Variants in ATP10A observed in about 807,000 individuals in gnomAD.
The protein encoded by ATP10A is phospholipid-transporting ATPase VA.
A neutral mutation model predicts 147.8 loss-of-function variants in ATP10A; 111 were observed. That is an observed-to-expected ratio of 0.75 (90% CI 0.64 to 0.88). The LOEUF (loss-of-function observed/expected upper bound fraction) is 0.88. Ranked by LOEUF, ATP10A falls within the 40% of genes least tolerant of loss-of-function variation. The pLI, the probability that ATP10A is intolerant of heterozygous loss-of-function variation, is 0.00. For synonymous variants in ATP10A, 875 were observed against 841.6 expected, an observed-to-expected ratio of 1.04 and a Z score of -0.69; for missense variants, 1,927 against 1,959.0, an observed-to-expected ratio of 0.98 and a Z score of 0.31.
At chr15:25,758,792 C>T (rs61994076) in intron 2 of ATP10A, among the ~76,000 whole-genome samples, 1,580 of 41,942 alleles carry the variant, frequency 0.038, 8 homozygotes, top group Middle Eastern at 0.12. Flanking sequence ...CTCATTCCGA[C>T]CACCTGCTCC....
chr15:25,682,446 G>C (rs2140283201), intron 17 of ATP10A, among the ~76,000 whole-genome samples: 1 of 152,296 alleles, frequency 6.6e-6, no homozygotes, highest in African/African-American at 2.4e-5. Context: ...ACTGGGGAAG[G>C]AGCTCTGGCT....
chr15:25,768,815 C>T (rs1317084278), intron 2 of ATP10A, among the ~76,000 whole-genome samples: 1 of 151,356 alleles, frequency 6.6e-6, no homozygotes, highest in Non-Finnish European at 1.5e-5. Flanking sequence ...AGGTGTAAAC[C>T]ACCATGCCTG....
intron 1 of ATP10A, among the ~76,000 whole-genome samples, chr15:25,785,073 C>T (rs948048184): frequency 7.2e-5 from 11 of 152,062 alleles, no homozygotes; most frequent in African/African-American, 2.7e-4. Context: ...GCAAGAGATG[C>T]CTCAGGGGTC....
intron 10 of ATP10A, among the ~76,000 whole-genome samples, chr15:25,712,811 C>T (rs889559113): frequency 1.3e-5 from 2 of 152,166 alleles, no homozygotes; most frequent in African/African-American, 4.8e-5. Context: ...GAGGTCACAG[C>T]TCTGTGATGG....
intron 1 of ATP10A, among the ~76,000 whole-genome samples, chr15:25,804,456 GGT>G (rs1009881278): frequency 3.1e-4 from 42 of 134,962 alleles, no homozygotes; most frequent in African/African-American, 1.3e-3. Context: ...CTGTGTGCAT[GGT>G]GTGTGTGTGG....
At chr15:25,839,564 G>A (rs113048859) in intron 1 of ATP10A, among the ~76,000 whole-genome samples, 10 of 152,072 alleles carry the variant, frequency 6.6e-5, no homozygotes, top group African/African-American at 2.2e-4. Context: ...CCTCTCTCCC[G>A]CTCTGCAGAG....
chr15:25,673,096 C>T (rs943323289), downstream of ATP10A, among the ~76,000 whole-genome samples: 1 of 152,134 alleles, frequency 6.6e-6, no homozygotes, highest in Non-Finnish European at 1.5e-5. Context: ...CCCAGGGCCC[C>T]TCAGGGGCTC....
chr15:25,726,761 G>T (rs1468677739), intron 4 of ATP10A, among the ~76,000 whole-genome samples: 1 of 151,068 alleles, frequency 6.6e-6, no homozygotes, highest in Non-Finnish European at 1.5e-5. Context: ...CTTAGAAAAC[G>T]GTGAGGGAGG....
chr15:25,857,566 A>C (rs1893573004), intron 1 of ATP10A, among the ~76,000 whole-genome samples: 1 of 152,224 alleles, frequency 6.6e-6, no homozygotes, highest in Non-Finnish European at 1.5e-5. Flanking sequence ...TGATGTCTGG[A>C]GTTTGCATCA....
At chr15:25,785,183 C>T (rs1369879886) in intron 1 of ATP10A, among the ~76,000 whole-genome samples, 1 of 152,086 alleles carries the variant, frequency 6.6e-6, no homozygotes, top group Non-Finnish European at 1.5e-5. Flanking sequence ...AACAGCCTTT[C>T]CTAATGTCCC....
At chr15:25,803,100 G>A (rs563161613) in intron 1 of ATP10A, among the ~76,000 whole-genome samples, 2 of 152,240 alleles carry the variant, frequency 1.3e-5, no homozygotes, top group East Asian at 1.9e-4. Flanking sequence ...TCCGGGTCAC[G>A]AGGACACAGC....
intron 1 of ATP10A, among the ~76,000 whole-genome samples, chr15:25,833,776 T>C (rs1849556644): frequency 6.6e-6 from 1 of 152,078 alleles, no homozygotes; most frequent in Non-Finnish European, 1.5e-5. Flanking sequence ...ATTGAGACCA[T>C]CCTGGCTAAT....
chr15:25,795,666 TATC>T (rs914075363), intron 1 of ATP10A, among the ~76,000 whole-genome samples: 1 of 152,184 alleles, frequency 6.6e-6, no homozygotes, highest in African/African-American at 2.4e-5. Flanking sequence ...TTTCTTTAGA[TATC>T]ATTTTATTCC....
chr15:25,746,503 G>A (rs539276971), intron 2 of ATP10A, among the ~76,000 whole-genome samples: 10 of 152,194 alleles, frequency 6.6e-5, no homozygotes, highest in East Asian at 1.9e-4. Context: ...TAATGGACAC[G>A]TATAAAACAC....
In ATP10A at chr15:25,679,480, A is replaced by G. The variant is rs1186581634; in HGVS notation, c.4361T>C (p.Leu1454Ser). The change falls in exon 21 of 21, where the codon TTA becomes TCA. Residue 1454 changes from leucine (L) to serine (S), a missense_variant. Physicochemically the swap from Leu to Ser is moderately radical, Grantham distance 145. Coordinates refer to ENST00000555815, the MANE Select transcript of ATP10A (RefSeq NM_024490.4). ...WSLVSRLGSVLQFSRTEQLAD... is the reference protein window; with the variant it reads ...WSLVSRLGSVSQFSRTEQLAD... ...AAGCTGCTCCGTCCGGGAGAACTGT[A>G]AGACACTCCCCAGCCTGCTGACCAG... 3 of 1,613,864 alleles carry G rather than the reference A, an allele frequency of 1.9e-6. No homozygotes were observed. In the African/African-American group the frequency reaches 4.0e-5, roughly 22 times the overall value.
At chr15:25,736,900 G>A (rs4906761) in intron 2 of ATP10A, among the ~76,000 whole-genome samples, 108,731 of 151,790 alleles carry the variant, frequency 0.72, 40,986 homozygotes, top group Non-Finnish European at 0.85. Flanking sequence ...AAACTGAACT[G>A]TCTTTAATGA....
intron 15 of ATP10A, among the ~76,000 whole-genome samples, chr15:25,691,188 A>C (rs1900014877): frequency 6.6e-6 from 1 of 152,200 alleles, no homozygotes; most frequent in South Asian, 2.1e-4. Context: ...TAAATCCAAA[A>C]GCAGCACATT....
At chr15:25,757,545 T>C (rs1365998407) in intron 2 of ATP10A, among the ~76,000 whole-genome samples, 2 of 151,980 alleles carry the variant, frequency 1.3e-5, no homozygotes, top group Admixed American at 6.6e-5. Flanking sequence ...TTCTTCAAAA[T>C]ATAGATTTAA....
At chr15:25,764,808 C>T (rs1479563357) in intron 2 of ATP10A, among the ~76,000 whole-genome samples, 3 of 152,178 alleles carry the variant, frequency 2.0e-5, no homozygotes, top group African/African-American at 4.8e-5. Flanking sequence ...TGCTAGAAAC[C>T]GCAGACGCTC....
Sources: gnomAD v4.1 joint callset for allele counts (sites outside exome capture counted in the v4.1 genomes callset) on GRCh38, gnomAD v4.1.1 for gene constraint, MANE v1.5 for transcripts, NCBI Gene and HGNC (gene_info 2026-07-23, HGNC 2026-07-21) for gene names.